Variants in PTPRD observed in about 807,000 individuals in gnomAD.
The protein encoded by PTPRD is protein tyrosine phosphatase receptor type D, also known as receptor-type tyrosine-protein phosphatase delta.
PTPRD carries 34 observed loss-of-function variants against 214.5 expected under a neutral mutation model. The observed-to-expected ratio is 0.16, with a 90% CI of 0.12 to 0.21. PTPRD has a LOEUF of 0.21. PTPRD is among the 10% of genes least tolerant of loss of function. The pLI, the probability that PTPRD is intolerant of heterozygous loss-of-function variation, is 1.00. For missense variants in PTPRD, 2,545 were observed against 2,398.7 expected (o/e 1.06, Z -1.27); for synonymous variants, 1,128 against 845.7 (o/e 1.33, Z -5.79).
chr9:9,056,497 G>C (rs1038228689), intron 10 of PTPRD, among the ~76,000 whole-genome samples: 3 of 152,194 alleles, frequency 2.0e-5, no homozygotes, highest in East Asian at 1.9e-4. Flanking sequence ...GGAATGATTA[G>C]CATGGTCATT....
rs142034519 is a variant in PTPRD, at chr9:10,002,543, A to G, written c.-472+31175T>C. 5.0e-4 allele frequency among the ~76,000 whole-genome samples: 75 copies of G among 151,366 alleles called. 1 individual carries two copies. In the East Asian group the frequency reaches 0.012, roughly 23 times the overall value. On this transcript the variant is annotated intron_variant, in intron 4 of 45. Transcript: ENST00000381196. ...AAAGAAAACTAAAGTGTCTACAGCT[A>G]CTATCAGACAAAATAGACTTAAACC... is the stretch of plus-strand genomic sequence containing the variant.
chr9:9,232,672 A>G (rs2099963856), intron 9 of PTPRD, among the ~76,000 whole-genome samples: 1 of 152,088 alleles, frequency 6.6e-6, no homozygotes, highest in South Asian at 2.1e-4. Flanking sequence ...TTAGTTTTAT[A>G]TATTTATTTA....
At chr9:8,797,217 A>C (rs2154515368) in intron 11 of PTPRD, 1 of 152,356 alleles carries the variant, frequency 6.6e-6, no homozygotes. Context: ...TAAATAAATA[A>C]AATAAATTCA....
At chr9:10,579,378 G>A (rs1357363926) in intron 2 of PTPRD, among the ~76,000 whole-genome samples, 2 of 152,146 alleles carry the variant, frequency 1.3e-5, no homozygotes, top group Non-Finnish European at 2.9e-5. Flanking sequence ...TTGGTTTCCT[G>A]TTCCTGTGTT....
At chr9:8,511,573 C>G (rs372630607) in intron 21 of PTPRD, among the ~76,000 whole-genome samples, 1 of 151,980 alleles carries the variant, frequency 6.6e-6, no homozygotes, top group East Asian at 1.9e-4. Context: ...ATGTGAGATT[C>G]TGGGAAAATC....
chr9:9,413,100 CTTTTTTTT>C lies in PTPRD; in HGVS notation c.-236-15626_-236-15619del, dbSNP rs5896325. Reference sequence around the variant, plus strand: ...CAAGTTATAAAATATCTTGCAGCTTCTTTTTTTTTTTTTTTTTTTTTTTTTGAGACGGA... The same window carrying C: ...CAAGTTATAAAATATCTTGCAGCTTCTTTTTTTTTTTTTTTTTGAGACGGA... On this transcript the variant is annotated intron_variant, in intron 8 of 45. Coordinates refer to ENST00000381196, the MANE Select transcript of PTPRD (RefSeq NM_002839.4). 1.6e-3 allele frequency among the ~76,000 whole-genome samples: 98 copies of C among 63,026 alleles called. 1 individual carries two copies. Among genetic ancestry groups the C allele is most frequent in the East Asian group, 3.3e-3 (5 of 1,516 alleles). The allele number at this position is 63,026 out of a possible 152,430, so 41.3% of individuals were successfully genotyped here. A position where few individuals can be genotyped will look rare whatever the true frequency, so the allele number is the denominator to read the frequency against.
At chr9:10,406,415 C>A (rs1245360158) in intron 2 of PTPRD, among the ~76,000 whole-genome samples, 1 of 151,588 alleles carries the variant, frequency 6.6e-6, no homozygotes, top group South Asian at 2.1e-4. Flanking sequence ...CATGTCTACA[C>A]AGATTTCATA....
At chr9:8,568,374 C>G (rs983901018) in intron 14 of PTPRD, among the ~76,000 whole-genome samples, 1 of 152,118 alleles carries the variant, frequency 6.6e-6, no homozygotes, top group Admixed American at 6.6e-5. Context: ...CAGCAACTTA[C>G]ACATTACCTG....
rs553909540 is a variant in PTPRD at position 10,356,171 on chromosome 9, C to G, written c.-599-15154G>C. Among the ~76,000 whole-genome samples the G allele has an allele frequency of 2.0e-5, 3 of 151,608 alleles. No homozygotes were observed. In the East Asian group the frequency reaches 5.8e-4, roughly 29 times the overall value. On this transcript the variant is annotated intron_variant, in intron 2 of 45. Coordinates refer to ENST00000381196, the MANE Select transcript of PTPRD (RefSeq NM_002839.4). ...TCAACCAAGCTCTGAACTGCCTGGC[C>G]ACAGGCTAGTGTGGCTTCCTAAAAG...
intron 14 of PTPRD, among the ~76,000 whole-genome samples, chr9:8,546,531 C>T (rs1001205178): frequency 1.3e-5 from 2 of 151,680 alleles, no homozygotes; most frequent in African/African-American, 2.4e-5. Flanking sequence ...CAGAGTCTCA[C>T]TCTGTAGTCC....
At chr9:10,141,001 C>T (rs1468280806) in intron 3 of PTPRD, among the ~76,000 whole-genome samples, 2 of 152,142 alleles carry the variant, frequency 1.3e-5, no homozygotes, top group Non-Finnish European at 2.9e-5. Context: ...ACAAAAACCA[C>T]ATGATTATCT....
intron 8 of PTPRD, among the ~76,000 whole-genome samples, chr9:9,514,513 GGAGA>G (rs1198620278): frequency 6.6e-6 from 1 of 151,986 alleles, no homozygotes; most frequent in African/African-American, 2.4e-5. Context: ...TTTTATCACA[GGAGA>G]GAAATTCCTG....
chr9:9,974,119 G>T (rs1260034907), intron 4 of PTPRD, among the ~76,000 whole-genome samples: 1 of 152,118 alleles, frequency 6.6e-6, no homozygotes, highest in African/African-American at 2.4e-5. Context: ...TCTTTAACTT[G>T]CAGAATAAAT....
chr9:9,635,561 G>A, intron 7 of PTPRD, among the ~76,000 whole-genome samples: 1 of 152,128 alleles, frequency 6.6e-6, no homozygotes, highest in Non-Finnish European at 1.5e-5. Context: ...GAAAGCCATT[G>A]CTCAGATTTT....
intron 5 of PTPRD, among the ~76,000 whole-genome samples, chr9:9,919,386 G>A (rs1295652649): frequency 6.6e-6 from 1 of 152,084 alleles, no homozygotes; most frequent in Non-Finnish European, 1.5e-5. Flanking sequence ...CCCACAGGAA[G>A]GAATGTATCT....
chr9:9,642,017 A>G (rs1028974979), intron 7 of PTPRD, among the ~76,000 whole-genome samples: 2 of 150,570 alleles, frequency 1.3e-5, no homozygotes, highest in Non-Finnish European at 2.9e-5. Flanking sequence ...AACCAACCCA[A>G]ATGTCCAACA....
intron 8 of PTPRD, among the ~76,000 whole-genome samples, chr9:9,526,924 T>A (rs1362980219): frequency 6.6e-6 from 1 of 152,182 alleles, no homozygotes; most frequent in Admixed American, 6.5e-5. Flanking sequence ...TTTAACCCAG[T>A]GAACTGTCAA....
intron 3 of PTPRD, among the ~76,000 whole-genome samples, chr9:10,050,484 C>T (rs1170346507): frequency 4.3e-5 from 6 of 139,078 alleles, no homozygotes; most frequent in Non-Finnish European, 7.5e-5. Context: ...TGCTTGAACC[C>T]AGGAGGTGGA....
Position 8,484,713 on chromosome 9 carries a change from A to G in PTPRD, c.3154-335T>C, listed in dbSNP as rs976122516. On this transcript the variant is annotated intron_variant, in intron 29 of 45. Coordinates refer to ENST00000381196, the MANE Select transcript of PTPRD (RefSeq NM_002839.4). ...GCAGAAAAGCTCTACGTTTCAACGT[A>G]TTATGAATATTGCCTATTTTCTAAA... is the stretch of plus-strand genomic sequence containing the variant. 1.3e-3 allele frequency among the ~76,000 whole-genome samples: 183 copies of G among 146,068 alleles called. 1 individual carries two copies. The highest frequency in any genetic ancestry group is 4.1e-3 in the African/African-American group (157 of 38,598).
Sources: allele counts gnomAD v4.1 joint callset (sites outside exome capture counted in the v4.1 genomes callset), GRCh38; gene constraint gnomAD v4.1.1; transcripts MANE v1.5; gene names NCBI Gene and HGNC (gene_info 2026-07-23, HGNC 2026-07-21).